The following CEP350 variants were observed in gnomAD, a reference collection of about 807,000 sequenced individuals.
The protein encoded by CEP350 is centrosome-associated protein 350.
A neutral mutation model predicts 331.8 loss-of-function variants in CEP350; 126 were observed. The observed-to-expected ratio is 0.38, with a 90% CI of 0.33 to 0.44. The LOEUF (loss-of-function observed/expected upper bound fraction) is 0.44. CEP350 is among the 20% of genes least tolerant of loss of function. The pLI is 1.00. For missense variants in CEP350, 3,406 were observed against 3,634.6 expected (o/e 0.94, Z 1.62); for synonymous variants, 1,200 against 1,259.5 (o/e 0.95, Z 1.00).
At chr1:179,961,695 T>C (rs943832552) in intron 1 of CEP350, among the ~76,000 whole-genome samples, 5 of 152,182 alleles carry the variant, frequency 3.3e-5, no homozygotes, top group African/African-American at 9.7e-5. Flanking sequence ...GCTTTAGCTT[T>C]TATTTTAGAT....
intron 1 of CEP350, among the ~76,000 whole-genome samples, chr1:179,982,358 A>G (rs1452329635): frequency 2.0e-5 from 3 of 152,176 alleles, no homozygotes; most frequent in Admixed American, 2.0e-4. Flanking sequence ...ATATTCAACT[A>G]TCTTTTTGCA....
chr1:180,039,124 G>A (rs575795391), intron 17 of CEP350, among the ~76,000 whole-genome samples: 3 of 149,350 alleles, frequency 2.0e-5, no homozygotes, highest in South Asian at 2.1e-4. Context: ...CGGGTTGGGC[G>A]TGGTGGGGGG....
At chr1:179,977,142 C>T (rs79311522) in intron 1 of CEP350, among the ~76,000 whole-genome samples, 3 of 152,220 alleles carry the variant, frequency 2.0e-5, no homozygotes, top group African/African-American at 7.2e-5. Context: ...CTTCCTTAGG[C>T]CTTATCCAGT....
intron 3 of CEP350, among the ~76,000 whole-genome samples, chr1:179,989,065 A>G (rs1182195763): frequency 6.6e-6 from 1 of 152,128 alleles, no homozygotes; most frequent in African/African-American, 2.4e-5. Context: ...ACATTTAAGG[A>G]TGATAAAGGA....
Position 180,096,082 on chromosome 1 carries a change from T to G in CEP350, c.8964T>G (p.Ala2988=), listed in dbSNP as rs35725488. The G allele has an allele frequency of 6.4e-7, 1 of 1,554,874 alleles. No individual in the cohort carries two copies. Among genetic ancestry groups the G allele is most frequent in the East Asian group, 2.4e-5 (1 of 41,510 alleles). The part of the protein sequence containing the change: ...LTKEIFEEIF[A]EDPNLNQPVW... ...AAGAGATTTTTGAGGAAATATTTGC[T>G]GAGGATCCCAACTTAAATCAACCTG... The change falls in exon 36 of 38, where the codon GCT becomes GCG. Residue 2988 remains alanine, a synonymous_variant. Coordinates refer to ENST00000367607, the MANE Select transcript of CEP350 (RefSeq NM_014810.5).
chr1:180,066,455 T>C (rs1003341548), intron 27 of CEP350, among the ~76,000 whole-genome samples: 4 of 152,202 alleles, frequency 2.6e-5, no homozygotes, highest in Admixed American at 6.5e-5. Context: ...TATGTTTATA[T>C]GTTAAATCAA....
chr1:179,979,942 A>C (rs1430931999), intron 1 of CEP350, among the ~76,000 whole-genome samples: 1 of 152,070 alleles, frequency 6.6e-6, no homozygotes, highest in African/African-American at 2.4e-5. Context: ...GTAGCTTTGT[A>C]GTATATTTTG....
At chr1:179,991,707 G>GTGTGTGTGTGTGTGTGTA (rs1385981536) in intron 4 of CEP350, among the ~76,000 whole-genome samples, 32 of 96,970 alleles carry the variant, frequency 3.3e-4, no homozygotes, top group South Asian at 1.6e-3. Context: ...GTGTGTGTGT[G>GTGTGTGTGTGTGTGTGTA]TATATATATA....
chr1:179,955,544 G>A (rs1214098653), intron 1 of CEP350, among the ~76,000 whole-genome samples: 1 of 152,196 alleles, frequency 6.6e-6, no homozygotes, highest in Non-Finnish European at 1.5e-5. Flanking sequence ...TTCCTTTTCA[G>A]TGGGGATCAC....
rs1387939129 is a variant in CEP350, at chr1:180,037,064, G to A, written c.4085G>A (p.Ser1362Asn). Residue 1362 changes from serine (S) to asparagine (N), a missense_variant, in exon 17 of 38, where the codon AGT becomes AAT. Physicochemically the swap from Ser to Asn is conservative, Grantham distance 46. Coordinates refer to ENST00000367607, the MANE Select transcript of CEP350 (RefSeq NM_014810.5). ...VRGISLAQQE[S>N]VSLAQIIKAQ... Reference sequence around the variant, plus strand: ...GGCATTTCACTTGCTCAGCAGGAGAGTGTGTCTCTAGCTCAGATAATAAAG... The same window carrying A: ...GGCATTTCACTTGCTCAGCAGGAGAATGTGTCTCTAGCTCAGATAATAAAG... 4 of 1,604,222 alleles carry A rather than the reference G, an allele frequency of 2.5e-6. No individual in the cohort carries two copies. The highest frequency in any genetic ancestry group is 1.7e-6 in the Non-Finnish European group (2 of 1,175,358).
chr1:180,023,482 A>T (rs1655469730), intron 13 of CEP350, among the ~76,000 whole-genome samples: 1 of 152,186 alleles, frequency 6.6e-6, no homozygotes, highest in African/African-American at 2.4e-5. Context: ...CATGGTTCCA[A>T]GTAATAAGTA....
intron 8 of CEP350, among the ~76,000 whole-genome samples, chr1:180,007,613 A>G (rs916765927): frequency 5.3e-5 from 8 of 151,850 alleles, no homozygotes; most frequent in African/African-American, 1.9e-4. Context: ...GTTTAATTAG[A>G]TCCTATTTGT....
At chr1:179,968,673 A>T (rs1651201908) in intron 1 of CEP350, 1 of 491,182 alleles carries the variant, frequency 2.0e-6, no homozygotes, top group Non-Finnish European at 4.0e-6. Context: ...CTTTTACAAT[A>T]TCCAGAGGCC....
chr1:180,045,346 GA>G (rs958336054), intron 21 of CEP350, among the ~76,000 whole-genome samples: 24 of 148,312 alleles, frequency 1.6e-4, no homozygotes, highest in Middle Eastern at 3.5e-3. Flanking sequence ...CATCTCAAAA[GA>G]AAAAAAAAAT....
At chr1:180,073,259 T>A (rs1659013932) in intron 27 of CEP350, among the ~76,000 whole-genome samples, 1 of 152,184 alleles carries the variant, frequency 6.6e-6, no homozygotes, top group African/African-American at 2.4e-5. Context: ...ATTGTGGAGG[T>A]GAACAAGGTA....
At chr1:179,984,995 G>T (rs1182873232) in intron 1 of CEP350, among the ~76,000 whole-genome samples, 1 of 151,602 alleles carries the variant, frequency 6.6e-6, no homozygotes, top group Non-Finnish European at 1.5e-5. Context: ...TTTTATTGTG[G>T]TAACATATAC....
chr1:180,075,653 AT>A (rs1659173970), intron 28 of CEP350, among the ~76,000 whole-genome samples: 1 of 151,862 alleles, frequency 6.6e-6, no homozygotes, highest in African/African-American at 2.4e-5. Context: ...TGCTGGAGAA[AT>A]TAGAAAAAAA....
chr1:180,053,915 T>G lies in CEP350; in HGVS notation c.5155T>G (p.Trp1719Gly). 6.4e-7 allele frequency: 1 copy of G among 1,553,392 alleles called. No individual in the cohort carries two copies. The highest frequency in any genetic ancestry group is 2.3e-5 in the East Asian group (1 of 44,274). ...GGAGAAGACTAAGGCTGAATTGGCCTGGTTAGAGCATCAAAAAAAGTAAGT... is the reference window on the plus strand; with the variant it reads ...GGAGAAGACTAAGGCTGAATTGGCCGGGTTAGAGCATCAAAAAAAGTAAGT... ...LKEKTKAELAWLEHQKKHLRD... is the reference protein window; with the variant it reads ...LKEKTKAELAGLEHQKKHLRD... The change falls in exon 24 of 38, where the codon TGG becomes GGG. Residue 1719 changes from tryptophan to glycine, a missense_variant. Trp to Gly is a radical substitution (Grantham distance 184, BLOSUM62 -2). This residue lies in a region of CEP350 where 104 missense variants were observed against 143.3 expected (regional missense o/e 0.73). Transcript: ENST00000367607.
At chr1:180,061,607 A>G (rs951390616) in intron 25 of CEP350, among the ~76,000 whole-genome samples, 1 of 152,368 alleles carries the variant, frequency 6.6e-6, no homozygotes, top group Middle Eastern at 3.4e-3. Flanking sequence ...TGAAAACAGT[A>G]TTCTGTGTGG....
Sources: gnomAD v4.1 joint callset for allele counts (sites outside exome capture counted in the v4.1 genomes callset) on GRCh38, gnomAD v4.1.1 for gene constraint, gnomAD v4.1.1 regional missense constraint, MANE v1.5 for transcripts, NCBI Gene and HGNC (gene_info 2026-07-23, HGNC 2026-07-21) for gene names.